Variants in PTPRN2 observed in about 807,000 individuals in gnomAD.
PTPRN2 encodes the protein protein tyrosine phosphatase receptor type N2.
Under a neutral mutation model 118.8 loss-of-function variants are expected in PTPRN2, and 74 were observed. That is an observed-to-expected ratio of 0.62 (90% CI 0.52 to 0.76). The LOEUF (loss-of-function observed/expected upper bound fraction) is 0.76. Ranked by LOEUF, PTPRN2 falls within the 30% of genes least tolerant of loss-of-function variation. The probability of loss-of-function intolerance (pLI) is 0.00; values close to 1 mark genes in which losing one functional copy is unlikely to be tolerated. For synonymous variants in PTPRN2, 641 were observed against 608.0 expected, an observed-to-expected ratio of 1.05 and a Z score of -0.80; for missense variants, 1,481 against 1,394.4, an observed-to-expected ratio of 1.06 and a Z score of -0.99.
At chr7:158,480,834 A>C (rs2129444883) in intron 2 of PTPRN2, among the ~76,000 whole-genome samples, 1 of 152,378 alleles carries the variant, frequency 6.6e-6, no homozygotes, top group South Asian at 2.1e-4. Flanking sequence ...AGGAAGCTGC[A>C]GAAGAAAACT....
At position 158,118,814 on chromosome 7, in the gene PTPRN2, C is replaced by T. The variant is rs563909473; in HGVS notation, c.1557-7899G>A. On this transcript the variant is annotated intron_variant, in intron 9 of 22. Coordinates refer to ENST00000389418, the MANE Select transcript of PTPRN2 (RefSeq NM_002847.5). ...CCTTTCCAGGCTCAGGTGATCCTCC[C>T]ACCTCAGCCTTCCCATTTGCTGACA... Among the ~76,000 whole-genome samples, 51 of 152,274 alleles carry T rather than the reference C, an allele frequency of 3.3e-4. 1 individual carries two copies. In the Middle Eastern group the frequency reaches 0.01, roughly 30 times the overall value.
rs1362389588 is a variant in PTPRN2 at position 158,316,810 on chromosome 7, C to T, written c.277+9G>A. 1 of 1,589,080 alleles carries T rather than the reference C, an allele frequency of 6.3e-7. No individual in the cohort carries two copies. Among genetic ancestry groups the T allele is most frequent in the Admixed American group, 1.7e-5 (1 of 57,568 alleles). ...GCAGCCGCCGAGCCTCGGCCCACGCCCGCCCTACCTGTGCCGGAAAGCTTC... is the reference window on the plus strand; with the variant it reads ...GCAGCCGCCGAGCCTCGGCCCACGCTCGCCCTACCTGTGCCGGAAAGCTTC... On this transcript the variant is annotated intron_variant, in intron 3 of 22. Coordinates refer to ENST00000389418, the MANE Select transcript of PTPRN2 (RefSeq NM_002847.5).
chr7:158,327,039 G>A (rs1358189601), intron 2 of PTPRN2, among the ~76,000 whole-genome samples: 1 of 148,460 alleles, frequency 6.7e-6, no homozygotes, highest in Non-Finnish European at 1.5e-5. Flanking sequence ...TCTCACACAT[G>A]CACATGTACA....
rs577552241 is a variant in PTPRN2, at chr7:158,257,977, C to T, written c.278-52704G>A. ...GAGAGTGGGATGGGTCTCATCATAG[C>T]TACCTTCTATCCATTCTTTTTTACC... On this transcript the variant is annotated intron_variant, in intron 3 of 22. Transcript: ENST00000389418. Among the ~76,000 whole-genome samples, 20 of 152,354 alleles carry T rather than the reference C, an allele frequency of 1.3e-4. No individual in the cohort carries two copies. In the Middle Eastern group the frequency reaches 0.014, roughly 104 times the overall value.
At chr7:157,853,222 G>A (rs1809422770) in intron 12 of PTPRN2, among the ~76,000 whole-genome samples, 1 of 152,152 alleles carries the variant, frequency 6.6e-6, no homozygotes, top group Non-Finnish European at 1.5e-5. Flanking sequence ...GTCATGAGGG[G>A]CATGAGCAAG....
chr7:157,865,107 G>A (rs1296115495), intron 12 of PTPRN2: 1 of 152,426 alleles, frequency 6.6e-6, no homozygotes, highest in East Asian at 1.9e-4. Flanking sequence ...CCGAAATGGA[G>A]AGGAGCGGTG....
At chr7:157,545,173 AGTG>A (rs1439307178) in intron 22 of PTPRN2, among the ~76,000 whole-genome samples, 11 of 120,428 alleles carry the variant, frequency 9.1e-5, no homozygotes, top group Non-Finnish European at 1.4e-4. Flanking sequence ...TGTGTGGCTG[AGTG>A]GTGTTTGTGG....
chr7:158,394,655 A>G (rs913105815), intron 2 of PTPRN2, among the ~76,000 whole-genome samples: 9 of 152,198 alleles, frequency 5.9e-5, no homozygotes, highest in Non-Finnish European at 1.0e-4. Context: ...TGATGAGGGG[A>G]GCAGATTTTT....
chr7:158,073,149 A>G (rs1320005818), intron 11 of PTPRN2, among the ~76,000 whole-genome samples: 2 of 152,060 alleles, frequency 1.3e-5, no homozygotes, highest in East Asian at 3.9e-4. Flanking sequence ...CCACCTTTGC[A>G]CTCAGCACCA....
rs573566184 is a variant in PTPRN2 at position 157,603,949 on chromosome 7, G to A, written c.2418+53C>T. 9.9e-5 allele frequency: 151 copies of A among 1,530,150 alleles called. 2 individuals carry two copies. The South Asian group carries it at 1.4e-3, about 14-fold the overall frequency. 94.8% of individuals were successfully genotyped at this position (1,530,150 alleles called of 1,614,324 possible). A position where few individuals can be genotyped will look rare whatever the true frequency, so the allele number is the denominator to read the frequency against. On this transcript the variant is annotated intron_variant, in intron 16 of 22. Coordinates refer to ENST00000389418, the MANE Select transcript of PTPRN2 (RefSeq NM_002847.5). The surrounding 1 kb of genome is among the most constrained non-coding windows in gnomAD (Gnocchi z 5.4). Reference sequence around the variant, plus strand: ...AGAACCTTCCCACGTGATTTGCCGCGTCCGTGCCACCCAAGGGAAAGCCTG... The same window carrying A: ...AGAACCTTCCCACGTGATTTGCCGCATCCGTGCCACCCAAGGGAAAGCCTG...
intron 3 of PTPRN2, among the ~76,000 whole-genome samples, chr7:158,251,062 A>G (rs1234412486): frequency 6.6e-6 from 1 of 152,196 alleles, no homozygotes; most frequent in East Asian, 1.9e-4. Context: ...ACAATTCCCT[A>G]TCTAGGCTGG....
rs533447434 is a variant in PTPRN2, at chr7:157,556,464, C to A, written c.2903-7445G>T. 4.0e-5 allele frequency among the ~76,000 whole-genome samples: 6 copies of A among 150,202 alleles called. No individual in the cohort carries two copies. The South Asian group carries it at 1.3e-3, about 32-fold the overall frequency. ...ATGCACACATCACACAACACTCACA[C>A]CCACACTCATGTCATACATACACAG... is the stretch of plus-strand genomic sequence containing the variant. On this transcript the variant is annotated intron_variant, in intron 21 of 22. Coordinates refer to ENST00000389418, the MANE Select transcript of PTPRN2 (RefSeq NM_002847.5).
intron 1 of PTPRN2, among the ~76,000 whole-genome samples, chr7:158,507,654 G>T (rs1395782743): frequency 6.7e-6 from 1 of 148,210 alleles, no homozygotes; most frequent in Non-Finnish European, 1.5e-5. Context: ...ACACATGAAG[G>T]TCAGTGAGGA....
chr7:157,680,178 T>C, intron 13 of PTPRN2, among the ~76,000 whole-genome samples: 1 of 152,352 alleles, frequency 6.6e-6, no homozygotes, highest in Admixed American at 6.5e-5. Flanking sequence ...AATTGAGTAG[T>C]TCCAGCATGT....
At chr7:157,916,613 G>A (rs1765639393) in intron 11 of PTPRN2, among the ~76,000 whole-genome samples, 1 of 152,234 alleles carries the variant, frequency 6.6e-6, no homozygotes, top group South Asian at 2.1e-4. Flanking sequence ...AGAGCACGCA[G>A]CTCCTTGCTC....
chr7:158,117,118 G>C (rs939636748), intron 9 of PTPRN2, among the ~76,000 whole-genome samples: 1 of 152,024 alleles, frequency 6.6e-6, no homozygotes, highest in South Asian at 2.1e-4. Flanking sequence ...AGATGTACTA[G>C]GCAAAGACTT....
chr7:157,567,784 G>A (rs775707040), intron 21 of PTPRN2, among the ~76,000 whole-genome samples: 1 of 152,092 alleles, frequency 6.6e-6, no homozygotes, highest in Non-Finnish European at 1.5e-5. Flanking sequence ...CTACCACCTC[G>A]GTGCCTCCCA....
intron 2 of PTPRN2, among the ~76,000 whole-genome samples, chr7:158,402,067 C>T (rs556552908): frequency 1.2e-4 from 18 of 152,002 alleles, no homozygotes; most frequent in South Asian, 6.2e-4. Flanking sequence ...CAGGGAGAGG[C>T]GGGACACGGG....
rs369129973 is a variant in PTPRN2 at position 158,563,615 on chromosome 7, C to T, written c.112+23943G>A. 6.6e-6 allele frequency among the ~76,000 whole-genome samples: 1 copy of T among 152,226 alleles called. No homozygotes were observed. The highest frequency in any genetic ancestry group is 1.5e-5 in the Non-Finnish European group (1 of 68,038). On this transcript the variant is annotated intron_variant, in intron 1 of 22. Transcript: ENST00000389418. This position sits in a 1 kb window ranked among gnomAD's most constrained non-coding sequence, Gnocchi z 5.1. ...GTTGGATGAAGAATCCTGCAGCTCT[C>T]GCCGGGGACATCTGAACATCCTTGT... is the stretch of plus-strand genomic sequence containing the variant.
Sources: allele counts gnomAD v4.1 joint callset (sites outside exome capture counted in the v4.1 genomes callset), GRCh38; gene constraint gnomAD v4.1.1; non-coding constraint Gnocchi (gnomAD v3.1); transcripts MANE v1.5; gene names NCBI Gene and HGNC (gene_info 2026-07-23, HGNC 2026-07-21).